Variants in GPR176 observed in about 807,000 individuals in gnomAD.
GPR176 encodes G protein-coupled receptor 176, also known as G-protein coupled receptor 176.
In GPR176, 26 loss-of-function variants were observed where a neutral mutation model predicts 35.4. The ratio of observed to expected loss-of-function variants is 0.74; its 90% CI spans 0.54 to 1.02. The LOEUF is 1.02. Among genes scored for constraint, GPR176 ranks in the 50% least tolerant of loss-of-function variants. The pLI, the probability that GPR176 is intolerant of heterozygous loss-of-function variation, is 0.00. For synonymous variants in GPR176, 278 were observed against 271.3 expected, an observed-to-expected ratio of 1.02 and a Z score of -0.24; for missense variants, 597 against 665.3, an observed-to-expected ratio of 0.90 and a Z score of 1.13.
At chr15:39,842,892 G>A (rs1396678398) in intron 1 of GPR176, among the ~76,000 whole-genome samples, 1 of 152,112 alleles carries the variant, frequency 6.6e-6, no homozygotes, top group African/African-American at 2.4e-5. Context: ...AGCCAGGCAT[G>A]ACAGGACTTG....
chr15:39,903,173 T>C (rs1055032450), intron 1 of GPR176, among the ~76,000 whole-genome samples: 3 of 152,230 alleles, frequency 2.0e-5, no homozygotes, highest in African/African-American at 4.8e-5. Flanking sequence ...GTGTACCAAA[T>C]GCATTTTCAG....
intron 1 of GPR176, chr15:39,807,504 G>C: frequency 2.1e-6 from 3 of 1,397,780 alleles, no homozygotes; most frequent in Non-Finnish European, 1.9e-6. Context: ...TTTAATTTTG[G>C]GCAAAATAGT....
intron 1 of GPR176, among the ~76,000 whole-genome samples, chr15:39,850,141 G>A (rs1212077099): frequency 6.6e-6 from 1 of 152,194 alleles, no homozygotes; most frequent in Admixed American, 6.5e-5. Flanking sequence ...TAAGCAGTGA[G>A]TGAATGTGAA....
intron 1 of GPR176, among the ~76,000 whole-genome samples, chr15:39,851,067 C>T (rs187013480): frequency 1.3e-5 from 2 of 152,242 alleles, no homozygotes; most frequent in African/African-American, 4.8e-5. Flanking sequence ...ATGACCTCTA[C>T]GTTTCTTACT....
chr15:39,823,130 C>A (rs1429012665), intron 1 of GPR176, among the ~76,000 whole-genome samples: 1 of 152,184 alleles, frequency 6.6e-6, no homozygotes, highest in Non-Finnish European at 1.5e-5. Context: ...CCAGTCTTGA[C>A]CCTTCTCATG....
chr15:39,838,980 C>G (rs1488755200), intron 1 of GPR176, among the ~76,000 whole-genome samples: 1 of 152,066 alleles, frequency 6.6e-6, no homozygotes, highest in Non-Finnish European at 1.5e-5. Context: ...GCAACTTCAG[C>G]AAAGTCTCAG....
At chr15:39,847,920 C>G (rs1219165528) in intron 1 of GPR176, among the ~76,000 whole-genome samples, 2 of 152,000 alleles carry the variant, frequency 1.3e-5, no homozygotes, top group Non-Finnish European at 2.9e-5. Flanking sequence ...CTGGGAAGGT[C>G]TCAGGAAACT....
At chr15:39,850,200 G>C (rs1311799738) in intron 1 of GPR176, among the ~76,000 whole-genome samples, 1 of 151,984 alleles carries the variant, frequency 6.6e-6, no homozygotes, top group Non-Finnish European at 1.5e-5. Flanking sequence ...TTATATACTT[G>C]GGCTACACTA....
At chr15:39,830,185 T>G (rs893196869) in intron 1 of GPR176, among the ~76,000 whole-genome samples, 1 of 152,158 alleles carries the variant, frequency 6.6e-6, no homozygotes, top group Non-Finnish European at 1.5e-5. Flanking sequence ...TCTTTGATAC[T>G]GAACAATCAA....
At chr15:39,831,937 C>T (rs1199085703) in intron 1 of GPR176, among the ~76,000 whole-genome samples, 2 of 151,958 alleles carry the variant, frequency 1.3e-5, no homozygotes, top group African/African-American at 4.8e-5. Flanking sequence ...ATACAAGGCT[C>T]TTCATGAACT....
chr15:39,885,642 T>C (rs920898935), intron 1 of GPR176, among the ~76,000 whole-genome samples: 1 of 152,262 alleles, frequency 6.6e-6, no homozygotes, highest in Admixed American at 6.5e-5. Context: ...AGATTTATCA[T>C]AGGAATTTTG....
At chr15:39,856,951 T>C (rs894738999) in intron 1 of GPR176, among the ~76,000 whole-genome samples, 4 of 152,174 alleles carry the variant, frequency 2.6e-5, no homozygotes, top group African/African-American at 9.7e-5. Flanking sequence ...TTGGTTGAGT[T>C]TGGGGAAGAT....
intron 1 of GPR176, among the ~76,000 whole-genome samples, chr15:39,910,468 G>A (rs901576286): frequency 1.3e-5 from 2 of 151,634 alleles, no homozygotes; most frequent in African/African-American, 4.8e-5. Context: ...TGAGGCAGGA[G>A]AATCACTTGA....
At chr15:39,849,077 A>G (rs2030670670) in intron 1 of GPR176, among the ~76,000 whole-genome samples, 1 of 152,114 alleles carries the variant, frequency 6.6e-6, no homozygotes, top group South Asian at 2.1e-4. Flanking sequence ...GTCCCCTAGC[A>G]AGACTGACAA....
At position 39,873,867 on chromosome 15, in the gene GPR176, T is replaced by C. The variant is rs528029568; in HGVS notation, c.172+45988A>G. On this transcript the variant is annotated intron_variant, in intron 1 of 2. Transcript: ENST00000561100. ...ACATCTTTATCACCAAGCAGAAAAGTACAAAGTCAGATGGTGAAATTCAAG... is the reference window on the plus strand; with the variant it reads ...ACATCTTTATCACCAAGCAGAAAAGCACAAAGTCAGATGGTGAAATTCAAG... Among the ~76,000 whole-genome samples the C allele has an allele frequency of 1.6e-4, 25 of 152,148 alleles. No homozygotes were observed. The East Asian group carries it at 4.8e-3, about 29-fold the overall frequency.
intron 1 of GPR176, among the ~76,000 whole-genome samples, chr15:39,873,111 A>G (rs181846811): frequency 1.3e-5 from 2 of 152,344 alleles, no homozygotes; most frequent in East Asian, 3.9e-4. Context: ...GATAGCTAAC[A>G]TATATTAAAC....
At chr15:39,883,376 T>G (rs149173179) in intron 1 of GPR176, among the ~76,000 whole-genome samples, 377 of 152,250 alleles carry the variant, frequency 2.5e-3, no homozygotes, top group African/African-American at 8.6e-3. Flanking sequence ...TCAAGCATGC[T>G]TTTTAAAAAA....
chr15:39,838,498 T>C (rs1901544391), intron 1 of GPR176, among the ~76,000 whole-genome samples: 2 of 152,114 alleles, frequency 1.3e-5, no homozygotes, highest in Admixed American at 6.6e-5. Flanking sequence ...AAACGTGAAG[T>C]TTTACATTAA....
chr15:39,812,207 A>C (rs748860824), intron 1 of GPR176, among the ~76,000 whole-genome samples: 1 of 152,166 alleles, frequency 6.6e-6, no homozygotes, highest in Non-Finnish European at 1.5e-5. Flanking sequence ...AAGGATGCAA[A>C]GTGTTGGTTT....
Sources: allele counts gnomAD v4.1 joint callset (sites outside exome capture counted in the v4.1 genomes callset), GRCh38; gene constraint gnomAD v4.1.1; transcripts MANE v1.5; gene names NCBI Gene and HGNC (gene_info 2026-07-23, HGNC 2026-07-21).